The following MARCHF1 variants were observed in gnomAD, a reference collection of about 807,000 sequenced individuals.
The protein encoded by MARCHF1 is membrane associated ring-CH-type finger 1.
A neutral mutation model predicts 54.2 loss-of-function variants in MARCHF1; 40 were observed. The ratio of observed to expected loss-of-function variants is 0.74; its 90% CI spans 0.57 to 0.96. MARCHF1 has a LOEUF of 0.96. MARCHF1 is among the 40% of genes least tolerant of loss of function. The pLI is 0.00. For missense variants in MARCHF1, 586 were observed against 656.5 expected, an observed-to-expected ratio of 0.89 and a Z score of 1.17; for synonymous variants, 236 against 236.3, an observed-to-expected ratio of 1.00 and a Z score of 0.01.
chr4:163,944,122 G>C (rs1751974900), intron 3 of MARCHF1, among the ~76,000 whole-genome samples: 1 of 140,012 alleles, frequency 7.1e-6, no homozygotes, highest in Admixed American at 7.5e-5. Flanking sequence ...ACCTGTCACT[G>C]CACCGGGCTA....
At chr4:164,271,002 A>T (rs982426526) in intron 1 of MARCHF1, among the ~76,000 whole-genome samples, 1 of 152,196 alleles carries the variant, frequency 6.6e-6, no homozygotes, top group African/African-American at 2.4e-5. Context: ...ACCATAATTC[A>T]TGAGTAGAAA....
chr4:164,125,686 G>C (rs1004713916), intron 1 of MARCHF1, among the ~76,000 whole-genome samples: 2 of 152,268 alleles, frequency 1.3e-5, no homozygotes, highest in East Asian at 3.9e-4. Context: ...CTGTGGACCA[G>C]TACCAGCCTG....
chr4:164,067,689 C>A (rs1025010669), intron 2 of MARCHF1, among the ~76,000 whole-genome samples: 1 of 152,056 alleles, frequency 6.6e-6, no homozygotes, highest in Non-Finnish European at 1.5e-5. Context: ...TTTTGGCCAA[C>A]TCCCCAAAAA....
rs550604932 is a variant in MARCHF1, at chr4:163,972,111, C to T, written c.-39+16390G>A. On this transcript the variant is annotated intron_variant, in intron 3 of 9. Coordinates refer to ENST00000514618, the MANE Select transcript of MARCHF1 (RefSeq NM_001394959.1). The stretch of plus-strand genomic sequence containing the variant: ...ACTAACACAGGAACAGAAAACCAAG[C>T]GCTGCATGTTCTCACTCATAAATGG... Among the ~76,000 whole-genome samples, 11 of 152,182 alleles carry T rather than the reference C, an allele frequency of 7.2e-5. No homozygotes were observed. The South Asian group carries it at 1.5e-3, about 20-fold the overall frequency.
intron 2 of MARCHF1, among the ~76,000 whole-genome samples, chr4:164,091,878 GT>G (rs1560899688): frequency 7.3e-5 from 11 of 151,510 alleles, no homozygotes; most frequent in Non-Finnish European, 8.8e-5. Flanking sequence ...GTGTGTGTGT[GT>G]GTGTGTGTGT....
At chr4:163,901,097 A>T (rs576958972) in intron 3 of MARCHF1, among the ~76,000 whole-genome samples, 3 of 152,288 alleles carry the variant, frequency 2.0e-5, no homozygotes. Flanking sequence ...ATTGTAAGTG[A>T]TGCATACTGT....
intron 4 of MARCHF1, among the ~76,000 whole-genome samples, chr4:163,814,021 C>T (rs1029845349): frequency 6.6e-6 from 1 of 152,174 alleles, no homozygotes. Context: ...CCCTCACAGC[C>T]TCTGGAATGT....
intron 4 of MARCHF1, among the ~76,000 whole-genome samples, chr4:163,810,354 G>A (rs549737180): frequency 2.0e-5 from 3 of 152,048 alleles, no homozygotes; most frequent in Admixed American, 6.6e-5. Flanking sequence ...TTTTAGAATG[G>A]CCAACAACAT....
intron 4 of MARCHF1, among the ~76,000 whole-genome samples, chr4:163,808,858 C>T (rs372419414): frequency 6.6e-6 from 1 of 152,104 alleles, no homozygotes; most frequent in African/African-American, 2.4e-5. Context: ...TCTGAGCCAC[C>T]GTGCCCGGCC....
chr4:163,766,936 T>C (rs185064097), intron 4 of MARCHF1, among the ~76,000 whole-genome samples: 58 of 152,246 alleles, frequency 3.8e-4, no homozygotes, highest in African/African-American at 1.3e-3. Context: ...TTAAACATTA[T>C]AGAACTCCAG....
At chr4:163,702,914 C>T (rs1460880809) in intron 4 of MARCHF1, among the ~76,000 whole-genome samples, 1 of 152,002 alleles carries the variant, frequency 6.6e-6, no homozygotes, top group Non-Finnish European at 1.5e-5. Context: ...GAAAAGTTAA[C>T]ACGTGGTAGG....
Position 163,822,243 on chromosome 4 carries a change from C to T in MARCHF1, c.111+31778G>A, listed in dbSNP as rs75094106. Among the ~76,000 whole-genome samples the T allele has an allele frequency of 7.0e-3, 1,068 of 151,786 alleles. 7 individuals are homozygous for T. The highest frequency in any genetic ancestry group is 0.031 in the Middle Eastern group (9 of 294). On this transcript the variant is annotated intron_variant, in intron 4 of 9. Coordinates refer to ENST00000514618, the MANE Select transcript of MARCHF1 (RefSeq NM_001394959.1). Reference sequence around the variant, plus strand: ...ACTCTGCACATTGGATCACATAATTCCTTTATTACATAGAAAACTCTAAAA... The same window carrying T: ...ACTCTGCACATTGGATCACATAATTTCTTTATTACATAGAAAACTCTAAAA...
chr4:163,873,913 A>G (rs949557179), intron 3 of MARCHF1, among the ~76,000 whole-genome samples: 1 of 152,202 alleles, frequency 6.6e-6, no homozygotes, highest in East Asian at 1.9e-4. Context: ...GTTGGCATGT[A>G]GGCCTTGCCT....
intron 7 of MARCHF1, among the ~76,000 whole-genome samples, chr4:163,609,669 T>TAC (rs1422774833): frequency 1.3e-5 from 2 of 151,046 alleles, no homozygotes; most frequent in Admixed American, 6.6e-5. Flanking sequence ...TATATTTATA[T>TAC]ACACACACAT....
intron 4 of MARCHF1, among the ~76,000 whole-genome samples, chr4:163,829,545 C>CCACACAG (rs1748957938): frequency 6.6e-6 from 1 of 152,178 alleles, no homozygotes; most frequent in Non-Finnish European, 1.5e-5. Flanking sequence ...AATCTCCTTA[C>CCACACAG]TGCTCTTTCA....
chr4:163,612,196 G>T, intron 7 of MARCHF1, 75 bp downstream of exon 7: 1 of 1,271,350 alleles, frequency 7.9e-7, no homozygotes, highest in Non-Finnish European at 1.0e-6. Flanking sequence ...GAGGGTAGGT[G>T]TCAAACACGC....
chr4:164,345,225 T>C lies in MARCHF1; in HGVS notation c.-323+38645A>G, dbSNP rs182874334. 1.5e-3 allele frequency among the ~76,000 whole-genome samples: 233 copies of C among 152,214 alleles called. 1 individual carries two copies. Among genetic ancestry groups the C allele is most frequent in the African/African-American group, 5.3e-3 (222 of 41,526 alleles). On this transcript the variant is annotated intron_variant, in intron 1 of 9. Transcript: ENST00000514618. ...CCATACATTATGTGTCTTAAAACATTACGATGTACTCCATGAATATGTACA... is the reference window on the plus strand; with the variant it reads ...CCATACATTATGTGTCTTAAAACATCACGATGTACTCCATGAATATGTACA...
At chr4:164,108,203 C>G (rs1239569930) in intron 2 of MARCHF1, among the ~76,000 whole-genome samples, 1 of 152,054 alleles carries the variant, frequency 6.6e-6, no homozygotes, top group Admixed American at 6.6e-5. Context: ...TAGCATTGCT[C>G]CCCACTATTA....
intron 1 of MARCHF1, among the ~76,000 whole-genome samples, chr4:164,199,026 C>A (rs1731363194): frequency 6.6e-6 from 1 of 152,136 alleles, no homozygotes; most frequent in Non-Finnish European, 1.5e-5. Context: ...ATCACAGATT[C>A]CACTAGTAAA....
Sources: allele counts gnomAD v4.1 joint callset (sites outside exome capture counted in the v4.1 genomes callset), GRCh38; gene constraint gnomAD v4.1.1; transcripts MANE v1.5; gene names NCBI Gene and HGNC (gene_info 2026-07-23, HGNC 2026-07-21).